ANKFN1: variants seen among roughly 807,000 people sequenced by gnomAD.
ANKFN1 encodes ankyrin repeat and fibronectin type III domain containing 1.
Under a neutral mutation model 108.7 loss-of-function variants are expected in ANKFN1, and 74 were observed. The ratio of observed to expected loss-of-function variants is 0.68; its 90% CI spans 0.56 to 0.83. The LOEUF (loss-of-function observed/expected upper bound fraction) is 0.83, where lower values mean the gene tolerates loss of function less well. Ranked by LOEUF, ANKFN1 falls within the 40% of genes least tolerant of loss-of-function variation. The pLI, the probability that ANKFN1 is intolerant of heterozygous loss-of-function variation, is 0.00. For missense variants in ANKFN1, 1,505 were observed against 1,382.3 expected (o/e 1.09, Z -1.41); for synonymous variants, 547 against 516.2 (o/e 1.06, Z -0.81).
At chr17:56,430,629 A>G (rs548268181) in intron 8 of ANKFN1, among the ~76,000 whole-genome samples, 16 of 152,214 alleles carry the variant, frequency 1.1e-4, no homozygotes, top group African/African-American at 3.9e-4. Flanking sequence ...CATATTGTAA[A>G]CCTTGAAAAT....
intron 4 of ANKFN1, among the ~76,000 whole-genome samples, chr17:56,132,661 A>G (rs1184200078): frequency 1.3e-5 from 2 of 152,164 alleles, no homozygotes; most frequent in Non-Finnish European, 2.9e-5. Context: ...TTTATTTTCC[A>G]CAGTTCTGGA....
intron 3 of ANKFN1, among the ~76,000 whole-genome samples, chr17:56,276,465 C>T (rs912488348): frequency 6.6e-6 from 1 of 152,206 alleles, no homozygotes; most frequent in Non-Finnish European, 1.5e-5. Context: ...TACACTCCCA[C>T]CAACACTGGA....
Position 56,209,023 on chromosome 17 carries a change from C to A in ANKFN1, c.-70-3575C>A, listed in dbSNP as rs372051161. Among the ~76,000 whole-genome samples the A allele has an allele frequency of 6.5e-4, 99 of 152,260 alleles. 3 individuals carry two copies. The South Asian group carries it at 0.02, about 31-fold the overall frequency. On this transcript the variant is annotated intron_variant, in intron 1 of 20. Coordinates refer to ENST00000682825, the MANE Select transcript of ANKFN1 (RefSeq NM_001370326.1). ...CTCCCGAGTTAGCTGGGACTACAGG[C>A]ACATGACTTTAAGAGCATTTAAAAC...
intron 9 of ANKFN1, among the ~76,000 whole-genome samples, chr17:56,441,235 C>A (rs1044176002): frequency 6.6e-6 from 1 of 151,880 alleles, no homozygotes; most frequent in African/African-American, 2.4e-5. Flanking sequence ...TATTTAATAT[C>A]TTAGGACCTT....
intron 4 of ANKFN1, among the ~76,000 whole-genome samples, chr17:56,081,916 G>A (rs1024710613): frequency 3.3e-5 from 5 of 152,192 alleles, no homozygotes; most frequent in African/African-American, 1.2e-4. Flanking sequence ...GGGCGTGTGT[G>A]AGCCCACGCA....
At chr17:56,195,861 A>G (rs1913457801) in intron 1 of ANKFN1, among the ~76,000 whole-genome samples, 2 of 152,124 alleles carry the variant, frequency 1.3e-5, no homozygotes, top group South Asian at 4.1e-4. Flanking sequence ...AGGAGAAAAA[A>G]TAAAAAAGCT....
rs35028021 is a variant in ANKFN1, at chr17:56,199,267, CAAAAAAA to C, written c.-70-13320_-70-13314del. On this transcript the variant is annotated intron_variant, in intron 1 of 20. Coordinates refer to ENST00000682825, the MANE Select transcript of ANKFN1 (RefSeq NM_001370326.1). The stretch of plus-strand genomic sequence containing the variant: ...GTTTTCTAGCTCGTTATTGCTGTTA[CAAAAAAA>C]AAAAAAAAAAGACACAGACTTTTAA... Among the ~76,000 whole-genome samples, 303 of 128,806 alleles carry C rather than the reference CAAAAAAA, an allele frequency of 2.4e-3. 1 individual carries two copies. The highest frequency in any genetic ancestry group is 0.021 in the East Asian group (96 of 4,634). 84.5% of individuals were successfully genotyped at this position (128,806 alleles called of 152,430 possible). A position where few individuals can be genotyped will look rare whatever the true frequency, so the allele number is the denominator to read the frequency against.
At chr17:56,070,880 G>A (rs1905113503) in intron 4 of ANKFN1, among the ~76,000 whole-genome samples, 3 of 151,868 alleles carry the variant, frequency 2.0e-5, no homozygotes, top group South Asian at 4.2e-4. Flanking sequence ...GACTACAGGT[G>A]CACACCACCA....
intron 3 of ANKFN1, among the ~76,000 whole-genome samples, chr17:56,322,360 G>C (rs1049378107): frequency 6.6e-6 from 1 of 151,686 alleles, no homozygotes; most frequent in Non-Finnish European, 1.5e-5. Context: ...ACATCTTCAC[G>C]GGCCTTCACA....
intron 15 of ANKFN1, among the ~76,000 whole-genome samples, chr17:56,470,978 C>A (rs994794333): frequency 1.3e-5 from 2 of 152,192 alleles, no homozygotes; most frequent in Non-Finnish European, 2.9e-5. Context: ...TCCCTAGAAG[C>A]CTCACATGCA....
intron 4 of ANKFN1, among the ~76,000 whole-genome samples, chr17:56,064,025 G>C (rs945055143): frequency 6.6e-6 from 1 of 152,120 alleles, no homozygotes; most frequent in African/African-American, 2.4e-5. Context: ...CAGTTTGTTG[G>C]GGGTTCACTT....
At chr17:56,178,257 G>A (rs1159733548) in intron 1 of ANKFN1, among the ~76,000 whole-genome samples, 2 of 152,134 alleles carry the variant, frequency 1.3e-5, no homozygotes, top group East Asian at 1.9e-4. Flanking sequence ...TGACTTGAGG[G>A]CACCAAGAGA....
At chr17:56,173,841 T>C (rs1910892140) in intron 1 of ANKFN1, among the ~76,000 whole-genome samples, 1 of 152,200 alleles carries the variant, frequency 6.6e-6, no homozygotes, top group Non-Finnish European at 1.5e-5. Flanking sequence ...AGATACTCTA[T>C]AAATATTTGG....
chr17:56,509,927 G>C (rs1214087247), intron 20 of ANKFN1, among the ~76,000 whole-genome samples: 1 of 152,304 alleles, frequency 6.6e-6, no homozygotes, highest in South Asian at 2.1e-4. Flanking sequence ...TCGATTAACT[G>C]TTGTATTTTT....
intron 7 of ANKFN1, 53 bp from the exon 8 acceptor site, chr17:56,374,548 G>T (rs1375042472): frequency 1.5e-6 from 2 of 1,349,660 alleles, no homozygotes; most frequent in Non-Finnish European, 2.1e-6. Context: ...GAGGAACGTT[G>T]TTTGAAAAGG....
chr17:56,498,456 C>A (rs938412962), intron 19 of ANKFN1, among the ~76,000 whole-genome samples: 2 of 152,120 alleles, frequency 1.3e-5, no homozygotes, highest in African/African-American at 4.8e-5. Context: ...TATGTATGAG[C>A]AATGTACCCT....
At chr17:56,121,258 G>T (rs1444248297) in intron 4 of ANKFN1, among the ~76,000 whole-genome samples, 3 of 151,320 alleles carry the variant, frequency 2.0e-5, no homozygotes, top group African/African-American at 7.3e-5. Flanking sequence ...TCTCTCCTTT[G>T]CTCATATAGT....
intron 4 of ANKFN1, among the ~76,000 whole-genome samples, chr17:56,054,659 C>A (rs780260137): frequency 6.6e-6 from 1 of 152,140 alleles, no homozygotes; most frequent in Admixed American, 6.5e-5. Flanking sequence ...CACCTGTAAT[C>A]CTAGCACTTT....
In ANKFN1 at chr17:56,153,654, A is replaced by G. The variant is rs560685334; in HGVS notation, c.-71+124A>G. 53 of 1,308,316 alleles carry G rather than the reference A, an allele frequency of 4.1e-5. No individual in the cohort carries two copies. In the South Asian group the frequency reaches 5.9e-4, roughly 15 times the overall value. The allele number at this position is 1,308,316 out of a possible 1,614,324, so 81.0% of individuals were successfully genotyped here. On this transcript the variant is annotated intron_variant, in intron 1 of 20. Coordinates refer to ENST00000682825, the MANE Select transcript of ANKFN1 (RefSeq NM_001370326.1). Reference sequence around the variant, plus strand: ...TTCGGGCGTTAGCTGGTGAGCATCCATGGTCAGGCAGAGGGAAAGCTGGTT... The same window carrying G: ...TTCGGGCGTTAGCTGGTGAGCATCCGTGGTCAGGCAGAGGGAAAGCTGGTT...
Sources: allele counts gnomAD v4.1 joint callset (sites outside exome capture counted in the v4.1 genomes callset), GRCh38; gene constraint gnomAD v4.1.1; transcripts MANE v1.5; gene names NCBI Gene and HGNC (gene_info 2026-07-23, HGNC 2026-07-21).